Variants in CSMD1 observed in about 807,000 individuals in gnomAD.
CSMD1 encodes CUB and sushi domain-containing protein 1.
Under a neutral mutation model 417.5 loss-of-function variants are expected in CSMD1, and 213 were observed. That is an observed-to-expected ratio of 0.51 (90% confidence interval 0.46 to 0.57). The LOEUF is 0.57. Ranked by LOEUF, CSMD1 falls within the 20% of genes least tolerant of loss-of-function variation. The pLI, the probability that CSMD1 is intolerant of heterozygous loss-of-function variation, is 0.00. For synonymous variants in CSMD1, 2,862 were observed against 1,736.8 expected, an observed-to-expected ratio of 1.65 and a Z score of -16.11; for missense variants, 6,923 against 4,529.7, an observed-to-expected ratio of 1.53 and a Z score of -15.17.
intron 1 of CSMD1, among the ~76,000 whole-genome samples, chr8:4,813,331 AT>A (rs1799014505): frequency 2.0e-5 from 3 of 152,094 alleles, no homozygotes; most frequent in Admixed American, 2.0e-4. Context: ...GAGAAATAAA[AT>A]TTGCTAAGAT....
chr8:4,113,848 T>G (rs1482033728), intron 3 of CSMD1, among the ~76,000 whole-genome samples: 1 of 152,234 alleles, frequency 6.6e-6, no homozygotes, highest in African/African-American at 2.4e-5. Flanking sequence ...AGCAAGCTCC[T>G]CATTTTCTTC....
chr8:3,094,855 A>G (rs918149010), intron 47 of CSMD1, among the ~76,000 whole-genome samples: 1 of 151,874 alleles, frequency 6.6e-6, no homozygotes, highest in African/African-American at 2.4e-5. Context: ...TATGAACATG[A>G]CATTTACTGC....
At chr8:3,219,146 T>A (rs1319793182) in intron 29 of CSMD1, 109 bp downstream of exon 29, 6 of 831,096 alleles carry the variant, frequency 7.2e-6, no homozygotes, top group South Asian at 1.7e-5. Flanking sequence ...GAGACACATA[T>A]CAGCATTTAT....
intron 1 of CSMD1, among the ~76,000 whole-genome samples, chr8:4,672,684 A>C (rs1805402142): frequency 6.6e-6 from 1 of 152,144 alleles, no homozygotes; most frequent in African/African-American, 2.4e-5. Flanking sequence ...AAAGGGGAGA[A>C]AGGAAGTAAG....
chr8:3,952,044 G>C (rs1333714936), intron 5 of CSMD1, among the ~76,000 whole-genome samples: 1 of 152,052 alleles, frequency 6.6e-6, no homozygotes, highest in African/African-American at 2.4e-5. Flanking sequence ...ACTGACCTAG[G>C]TAAATAATTG....
chr8:4,006,713 T>G (rs943124832), intron 4 of CSMD1, among the ~76,000 whole-genome samples: 3 of 152,178 alleles, frequency 2.0e-5, no homozygotes, highest in Admixed American at 6.5e-5. Flanking sequence ...ATATCTGATT[T>G]CTATAAAATG....
At chr8:4,881,610 T>C (rs996036703) in intron 1 of CSMD1, among the ~76,000 whole-genome samples, 16 of 151,728 alleles carry the variant, frequency 1.1e-4, no homozygotes, top group African/African-American at 3.6e-4. Context: ...AATTCATGTT[T>C]AATTGATTTC....
intron 3 of CSMD1, among the ~76,000 whole-genome samples, chr8:4,271,895 A>T (rs1338723542): frequency 6.6e-6 from 1 of 152,154 alleles, no homozygotes; most frequent in Non-Finnish European, 1.5e-5. Context: ...TGGTGTCCAC[A>T]GGGGATTGGT....
At chr8:4,222,491 A>G (rs1197047278) in intron 3 of CSMD1, among the ~76,000 whole-genome samples, 1 of 152,206 alleles carries the variant, frequency 6.6e-6, no homozygotes, top group Non-Finnish European at 1.5e-5. Context: ...GTCAGTCAAT[A>G]ATATAGTTGT....
At chr8:2,953,739 T>A (rs1023312739) in intron 65 of CSMD1, among the ~76,000 whole-genome samples, 1 of 152,352 alleles carries the variant, frequency 6.6e-6, no homozygotes, top group Non-Finnish European at 1.5e-5. Flanking sequence ...AACAAAAAAC[T>A]ATAATTAACA....
intron 18 of CSMD1, among the ~76,000 whole-genome samples, chr8:3,378,982 G>T (rs888436756): frequency 2.0e-5 from 3 of 152,184 alleles, no homozygotes; most frequent in Non-Finnish European, 2.9e-5. Flanking sequence ...TGACATGATT[G>T]TATATTTAGA....
At chr8:4,841,010 C>A (rs1246744557) in intron 1 of CSMD1, among the ~76,000 whole-genome samples, 1 of 152,154 alleles carries the variant, frequency 6.6e-6, no homozygotes, top group Non-Finnish European at 1.5e-5. Context: ...GAGCGTTTGC[C>A]GTCAGCCCCC....
At chr8:4,388,567 G>T (rs554093554) in intron 3 of CSMD1, among the ~76,000 whole-genome samples, 37 of 151,230 alleles carry the variant, frequency 2.4e-4, no homozygotes, top group Admixed American at 7.9e-4. Context: ...GGGTGGGGGG[G>T]TGATGGATAA....
chr8:2,948,963 C>T (rs1215368274), intron 68 of CSMD1, among the ~76,000 whole-genome samples: 2 of 150,886 alleles, frequency 1.3e-5, no homozygotes, highest in Non-Finnish European at 3.0e-5. Context: ...TTTAATTACT[C>T]TTACTTTTTT....
intron 10 of CSMD1, among the ~76,000 whole-genome samples, chr8:3,514,486 T>C (rs1797206189): frequency 6.6e-6 from 1 of 152,222 alleles, no homozygotes; most frequent in South Asian, 2.1e-4. Context: ...GCTTCAATTT[T>C]TGGAATTGAC....
At chr8:4,020,287 T>C (rs1164901591) in intron 4 of CSMD1, among the ~76,000 whole-genome samples, 3 of 152,202 alleles carry the variant, frequency 2.0e-5, no homozygotes, top group Admixed American at 1.3e-4. Context: ...AGGTGACCAG[T>C]GCAGAGCTGC....
intron 3 of CSMD1, among the ~76,000 whole-genome samples, chr8:4,328,472 A>G (rs1799682580): frequency 6.6e-6 from 1 of 152,082 alleles, no homozygotes; most frequent in Non-Finnish European, 1.5e-5. Context: ...AACAGTTAAC[A>G]GGGGACTTAC....
intron 3 of CSMD1, among the ~76,000 whole-genome samples, chr8:4,108,612 C>A (rs994393026): frequency 1.3e-5 from 2 of 152,198 alleles, no homozygotes; most frequent in East Asian, 3.8e-4. Context: ...CACAGGTTCC[C>A]GGCCCGAGAG....
chr8:3,475,574 C>G (rs1418359592), intron 11 of CSMD1, among the ~76,000 whole-genome samples: 1 of 152,158 alleles, frequency 6.6e-6, no homozygotes, highest in Non-Finnish European at 1.5e-5. Flanking sequence ...GGTTCCTCAT[C>G]TATGAAACAA....
Sources: allele counts gnomAD v4.1 joint callset (sites outside exome capture counted in the v4.1 genomes callset), GRCh38; gene constraint gnomAD v4.1.1; transcripts MANE v1.5; gene names NCBI Gene and HGNC (gene_info 2026-07-23, HGNC 2026-07-21).